HIPK2: variants seen among roughly 807,000 people sequenced by gnomAD.
HIPK2 encodes homeodomain-interacting protein kinase 2.
A neutral mutation model predicts 113.7 loss-of-function variants in HIPK2; 27 were observed. The ratio of observed to expected loss-of-function variants is 0.24; its 90% CI spans 0.17 to 0.33. The LOEUF (loss-of-function observed/expected upper bound fraction) is 0.33, where lower values mean the gene tolerates loss of function less well. HIPK2 is among the 10% of genes least tolerant of loss of function. HIPK2 has a pLI of 1.00. For synonymous variants in HIPK2, 631 were observed against 642.2 expected, an observed-to-expected ratio of 0.98 and a Z score of 0.26; for missense variants, 1,257 against 1,588.0, an observed-to-expected ratio of 0.79 and a Z score of 3.54.
intron 1 of HIPK2, among the ~76,000 whole-genome samples, chr7:139,763,673 G>A (rs145723296): frequency 1.4e-3 from 217 of 152,330 alleles, no homozygotes; most frequent in African/African-American, 4.7e-3. Flanking sequence ...ATGGCTTCAC[G>A]ATAAACAGTC....
At chr7:139,593,920 C>T (rs971998239) in intron 12 of HIPK2, among the ~76,000 whole-genome samples, 1 of 152,148 alleles carries the variant, frequency 6.6e-6, no homozygotes, top group Non-Finnish European at 1.5e-5. Flanking sequence ...GGGGTGCATC[C>T]TTGTTTTCCC....
intron 2 of HIPK2, among the ~76,000 whole-genome samples, chr7:139,696,544 C>A (rs1222560720): frequency 1.3e-5 from 2 of 149,862 alleles, no homozygotes; most frequent in African/African-American, 2.5e-5. Flanking sequence ...GAGTGCACCA[C>A]TATACTTTAG....
Position 139,572,068 on chromosome 7 carries a change from C to A in HIPK2, c.*859G>T, listed in dbSNP as rs577246647. On this transcript the variant is annotated 3_prime_UTR_variant, in exon 15 of 15. Transcript: ENST00000406875. ...AGGGTGTCTGTGACGACCGCTAGCC[C>A]TACGCTACGCGACTAGGGGTGGATT... 6.6e-6 allele frequency: 1 copy of A among 152,382 alleles called. No individual in the cohort carries two copies. The highest frequency in any genetic ancestry group is 1.9e-4 in the East Asian group (1 of 5,188). 9.4% of individuals were successfully genotyped at this position (152,382 alleles called of 1,614,324 possible).
At chr7:139,724,923 T>C (rs896011810) in intron 1 of HIPK2, among the ~76,000 whole-genome samples, 3 of 151,962 alleles carry the variant, frequency 2.0e-5, no homozygotes, top group African/African-American at 7.3e-5. Flanking sequence ...GTGGCACATA[T>C]ACACCATGGA....
intron 2 of HIPK2, among the ~76,000 whole-genome samples, chr7:139,712,022 C>T (rs1795082485): frequency 6.6e-6 from 1 of 152,278 alleles, no homozygotes; most frequent in South Asian, 2.1e-4. Flanking sequence ...GACTTTCTCC[C>T]AGGGTACTCC....
At chr7:139,768,474 TAA>T (rs1796589156) in intron 1 of HIPK2, among the ~76,000 whole-genome samples, 1 of 152,132 alleles carries the variant, frequency 6.6e-6, no homozygotes, top group African/African-American at 2.4e-5. Context: ...CTTAATGACT[TAA>T]AAGTGCTTTG....
At chr7:139,628,093 C>T (rs955889152) in intron 5 of HIPK2, among the ~76,000 whole-genome samples, 2 of 152,138 alleles carry the variant, frequency 1.3e-5, no homozygotes, top group Non-Finnish European at 2.9e-5. Context: ...AAGAAGGAAG[C>T]AGAGATTAGA....
intron 9 of HIPK2, among the ~76,000 whole-genome samples, chr7:139,606,764 T>C (rs745868161): frequency 6.6e-6 from 1 of 152,188 alleles, no homozygotes; most frequent in Non-Finnish European, 1.5e-5. Context: ...ACTTGCCTCT[T>C]TTCAGTCTAT....
chr7:139,675,755 C>T (rs1055171880), intron 2 of HIPK2, among the ~76,000 whole-genome samples: 4 of 152,004 alleles, frequency 2.6e-5, no homozygotes, highest in Non-Finnish European at 5.9e-5. Context: ...TGAGGTGGAC[C>T]CCCAATCTAG....
chr7:139,564,245 C>T lies in HIPK2; in HGVS notation c.*8682G>A, dbSNP rs899663200. 8 of 271,392 alleles carry T rather than the reference C, an allele frequency of 2.9e-5. No homozygotes were observed. Among genetic ancestry groups the T allele is most frequent in the East Asian group, 6.2e-5 (1 of 16,232 alleles). The allele number at this position is 271,392 out of a possible 1,614,324, so 16.8% of individuals were successfully genotyped here. A position where few individuals can be genotyped will look rare whatever the true frequency, so the allele number is the denominator to read the frequency against. ...GCAGATATATGGAAAACCCAGCCAG[C>T]GACCATGGGAATAGGGGTATATGGT... On this transcript the variant is annotated 3_prime_UTR_variant, in exon 15 of 15. Coordinates refer to ENST00000406875, the MANE Select transcript of HIPK2 (RefSeq NM_022740.5).
chr7:139,658,741 C>T (rs1801761309), intron 2 of HIPK2, among the ~76,000 whole-genome samples: 1 of 152,080 alleles, frequency 6.6e-6, no homozygotes, highest in Non-Finnish European at 1.5e-5. Context: ...TTCTGAGTGC[C>T]CTTTTATTAC....
At chr7:139,695,772 T>A (rs1465879599) in intron 2 of HIPK2, among the ~76,000 whole-genome samples, 1 of 152,176 alleles carries the variant, frequency 6.6e-6, no homozygotes, top group Non-Finnish European at 1.5e-5. Flanking sequence ...GGAAGAAGCA[T>A]GACTCAGGGA....
intron 10 of HIPK2, 101 bp downstream of exon 10, chr7:139,603,980 G>A (rs2116708581): frequency 9.4e-6 from 14 of 1,489,426 alleles, no homozygotes; most frequent in South Asian, 2.3e-5. Context: ...TCTACAAACC[G>A]GGGAATTGAA....
chr7:139,680,293 C>A (rs1014693018), intron 2 of HIPK2, among the ~76,000 whole-genome samples: 1 of 152,216 alleles, frequency 6.6e-6, no homozygotes, highest in Non-Finnish European at 1.5e-5. Flanking sequence ...GATTCAGTCA[C>A]GATTAACACC....
chr7:139,682,476 G>A (rs1802738821), intron 2 of HIPK2, among the ~76,000 whole-genome samples: 2 of 152,206 alleles, frequency 1.3e-5, no homozygotes, highest in Non-Finnish European at 2.9e-5. Context: ...CAGGTGCAGT[G>A]TGGACACCAC....
intron 6 of HIPK2, among the ~76,000 whole-genome samples, chr7:139,622,436 C>T (rs922009089): frequency 6.6e-6 from 1 of 152,146 alleles, no homozygotes; most frequent in African/African-American, 2.4e-5. Flanking sequence ...TTGGAATGGG[C>T]TTAAAGCATT....
At chr7:139,578,874 G>T (rs1190211443) in intron 13 of HIPK2, among the ~76,000 whole-genome samples, 3 of 152,070 alleles carry the variant, frequency 2.0e-5, no homozygotes, top group Non-Finnish European at 4.4e-5. Context: ...GTTTTGCCAT[G>T]TTGGCCAGGC....
Position 139,748,799 on chromosome 7 carries a change from CCT to C in HIPK2, c.19+28804_19+28805del, listed in dbSNP as rs368771006. Among the ~76,000 whole-genome samples the C allele has an allele frequency of 2.5e-3, 383 of 152,214 alleles. 4 individuals carry two copies. Among genetic ancestry groups the C allele is most frequent in the African/African-American group, 8.6e-3 (358 of 41,532 alleles). On this transcript the variant is annotated intron_variant, in intron 1 of 14. Transcript: ENST00000406875. ...GGGGAGGGGGACACAAAATTCATCC[CCT>C]GACAGGCCCTCAAAGCCTCAAAGAA...
chr7:139,720,141 C>G (rs1176248501), intron 1 of HIPK2, among the ~76,000 whole-genome samples: 1 of 152,234 alleles, frequency 6.6e-6, no homozygotes, highest in Admixed American at 6.5e-5. Context: ...TCTTCACACT[C>G]TTACACTATT....
Sources: gnomAD v4.1 joint callset for allele counts (sites outside exome capture counted in the v4.1 genomes callset) on GRCh38, gnomAD v4.1.1 for gene constraint, MANE v1.5 for transcripts, NCBI Gene and HGNC (gene_info 2026-07-23, HGNC 2026-07-21) for gene names.